CADPS: variants seen among roughly 807,000 people sequenced by gnomAD.
CADPS encodes calcium dependent secretion activator.
Under a neutral mutation model 167.3 loss-of-function variants are expected in CADPS, and 57 were observed. The ratio of observed to expected loss-of-function variants is 0.34; its 90% CI spans 0.28 to 0.42. The LOEUF (loss-of-function observed/expected upper bound fraction) is 0.42, where lower values mean the gene tolerates loss of function less well. CADPS is among the 20% of genes least tolerant of loss of function. CADPS has a pLI of 1.00. For synonymous variants in CADPS, 676 were observed against 635.3 expected, an observed-to-expected ratio of 1.06 and a Z score of -0.96; for missense variants, 1,414 against 1,738.1, an observed-to-expected ratio of 0.81 and a Z score of 3.32.
intron 1 of CADPS, among the ~76,000 whole-genome samples, chr3:62,792,443 A>C (rs2093032183): frequency 6.6e-6 from 1 of 151,932 alleles, no homozygotes; most frequent in African/African-American, 2.4e-5. Context: ...GGCTCAGGTA[A>C]TGCTCCCGCC....
At chr3:62,715,753 C>CTT (rs71123291) in intron 3 of CADPS, among the ~76,000 whole-genome samples, 3,013 of 89,588 alleles carry the variant, frequency 0.034, 397 homozygotes, top group African/African-American at 0.12. Context: ...GATTATAAAT[C>CTT]TTTTTTTTTT....
intron 17 of CADPS, among the ~76,000 whole-genome samples, chr3:62,504,266 C>A (rs1395578791): frequency 6.6e-6 from 1 of 152,164 alleles, no homozygotes. Flanking sequence ...AAGGAGGCAA[C>A]TACTAATCCT....
intron 1 of CADPS, among the ~76,000 whole-genome samples, chr3:62,782,175 A>T (rs66482021): frequency 1.1e-4 from 16 of 151,958 alleles, no homozygotes; most frequent in African/African-American, 3.9e-4. Flanking sequence ...ACCAGGGGGG[A>T]AAAAAGACAT....
chr3:62,404,578 A>G (rs1267799618), intron 28 of CADPS: 1 of 152,052 alleles, frequency 6.6e-6, no homozygotes, highest in Non-Finnish European at 1.5e-5. Context: ...GCAATCTTTC[A>G]TTTCTAGGCT....
In CADPS at chr3:62,598,626, T is replaced by C. The variant is rs112637770; in HGVS notation, c.1326-5878A>G. On this transcript the variant is annotated intron_variant, in intron 6 of 29. Transcript: ENST00000383710. Reference sequence around the variant, plus strand: ...TGCATTTGATCATTTGAAAGCCTCTTGGACATCCTGTGAAATGCCTACAAT... The same window carrying C: ...TGCATTTGATCATTTGAAAGCCTCTCGGACATCCTGTGAAATGCCTACAAT... Among the ~76,000 whole-genome samples the C allele has an allele frequency of 5.1e-3, 779 of 152,344 alleles. 4 individuals carry two copies. The highest frequency in any genetic ancestry group is 0.017 in the African/African-American group (706 of 41,576).
At chr3:62,796,335 G>C (rs551020235) in intron 1 of CADPS, 2 of 152,272 alleles carry the variant, frequency 1.3e-5, no homozygotes, top group African/African-American at 4.8e-5. Context: ...GTGCACTACA[G>C]CCCAGAGATC....
rs77008736 is a variant in CADPS, at chr3:62,481,846, T to A, written c.3050A>T (p.Asn1017Ile). The part of the protein sequence containing the change: ...PVKSLTSNLP[N>I]VNLPNVNLPK... ...AAGGTTCACATTGGGTAGGTTCACA[T>A]TGGGTAGGTTACTGGTTAAACTCCT... The change falls in exon 22 of 30, where the codon AAT becomes ATT. Residue 1017 changes from asparagine (N) to isoleucine (I), a missense_variant. Coordinates refer to ENST00000383710, the MANE Select transcript of CADPS (RefSeq NM_003716.4). 5,460 of 1,611,328 alleles carry A rather than the reference T, an allele frequency of 3.4e-3. 14 individuals carry two copies. Among genetic ancestry groups the A allele is most frequent in the Middle Eastern group, 4.6e-3 (28 of 6,060 alleles).
chr3:62,490,631 G>C (rs2063543021), intron 21 of CADPS, among the ~76,000 whole-genome samples: 1 of 152,154 alleles, frequency 6.6e-6, no homozygotes, highest in African/African-American at 2.4e-5. Flanking sequence ...TTTAAAAAAA[G>C]CACACGGTTG....
chr3:62,657,487 T>G (rs1327946221), intron 4 of CADPS, among the ~76,000 whole-genome samples: 1 of 152,196 alleles, frequency 6.6e-6, no homozygotes, highest in Non-Finnish European at 1.5e-5. Flanking sequence ...ATGTCAACTT[T>G]TGATCACACA....
At chr3:62,801,058 A>T (rs1340231717) in intron 1 of CADPS, among the ~76,000 whole-genome samples, 1 of 152,146 alleles carries the variant, frequency 6.6e-6, no homozygotes, top group Non-Finnish European at 1.5e-5. Context: ...CCCACTTGCT[A>T]GTGTGGTGAC....
At chr3:62,578,610 AAAAAAAT>A (rs1234313170) in intron 8 of CADPS, among the ~76,000 whole-genome samples, 46,717 of 82,696 alleles carry the variant, frequency 0.56, 9,994 homozygotes, top group East Asian at 0.69. Context: ...ACTCCGTCTC[AAAAAAAT>A]AAAAAAAAAA....
At chr3:62,822,797 G>A (rs1303775973) in intron 1 of CADPS, among the ~76,000 whole-genome samples, 3 of 152,046 alleles carry the variant, frequency 2.0e-5, no homozygotes, top group East Asian at 1.9e-4. Flanking sequence ...AGCCAAGATC[G>A]CACCACTGCA....
At chr3:62,797,852 C>T (rs960826918) in intron 1 of CADPS, among the ~76,000 whole-genome samples, 2 of 151,980 alleles carry the variant, frequency 1.3e-5, no homozygotes, top group African/African-American at 2.4e-5. Flanking sequence ...AAAAGGTTTC[C>T]TGAAAGTAAT....
intron 13 of CADPS, among the ~76,000 whole-genome samples, chr3:62,520,053 G>GT (rs1271787833): frequency 6.6e-6 from 1 of 152,072 alleles, no homozygotes; most frequent in Non-Finnish European, 1.5e-5. Flanking sequence ...TAAAGCATTT[G>GT]TTTTTTAGTG....
chr3:62,553,560 C>G (rs535162825), intron 10 of CADPS, among the ~76,000 whole-genome samples: 1 of 152,308 alleles, frequency 6.6e-6, no homozygotes, highest in East Asian at 1.9e-4. Context: ...CCCTCACTAA[C>G]AGCTCTCTTA....
chr3:62,415,194 G>A lies in CADPS; in HGVS notation c.3778-12009C>T, dbSNP rs941254302. Among the ~76,000 whole-genome samples the A allele has an allele frequency of 2.7e-5, 4 of 148,710 alleles. No individual in the cohort carries two copies. In the East Asian group the frequency reaches 8.1e-4, roughly 30 times the overall value. On this transcript the variant is annotated intron_variant, in intron 28 of 29. Transcript: ENST00000383710. ...AATCTTGTCTCTGAATATATAAATT[G>A]CAAAAATTGATATGAATAAATCTGC...
chr3:62,830,037 C>G (rs485233), intron 1 of CADPS, among the ~76,000 whole-genome samples: 127,115 of 152,082 alleles, frequency 0.84, 53,327 homozygotes, highest in Middle Eastern at 0.91. Flanking sequence ...GTGGGTGGCT[C>G]AGTGGGTGAT....
chr3:62,725,737 G>A (rs549228094), intron 3 of CADPS, among the ~76,000 whole-genome samples: 1 of 152,008 alleles, frequency 6.6e-6, no homozygotes, highest in East Asian at 1.9e-4. Context: ...AACCGCTGAA[G>A]AAAAATATGT....
intron 3 of CADPS, among the ~76,000 whole-genome samples, chr3:62,707,839 T>G (rs11717534): frequency 0.7 from 106,065 of 151,944 alleles, 37,542 homozygotes; most frequent in East Asian, 0.86. Context: ...CTAGGAAATT[T>G]AAAATGACAT....
Sources: gnomAD v4.1 joint callset for allele counts (sites outside exome capture counted in the v4.1 genomes callset) on GRCh38, gnomAD v4.1.1 for gene constraint, MANE v1.5 for transcripts, NCBI Gene and HGNC (gene_info 2026-07-23, HGNC 2026-07-21) for gene names.